RASGRF1: variants seen among roughly 807,000 people sequenced by gnomAD.
RASGRF1 encodes Ras protein specific guanine nucleotide releasing factor 1.
In RASGRF1, 40 loss-of-function variants were observed where a neutral mutation model predicts 138.7. The observed-to-expected ratio is 0.29, with a 90% confidence interval of 0.22 to 0.38. The LOEUF (loss-of-function observed/expected upper bound fraction) is 0.38, where lower values mean the gene tolerates loss of function less well. Among genes scored for constraint, RASGRF1 ranks in the 10% least tolerant of loss-of-function variants. The probability of loss-of-function intolerance (pLI) is 1.00; values close to 1 mark genes in which losing one functional copy is unlikely to be tolerated. For missense variants in RASGRF1, 1,108 were observed against 1,650.4 expected (o/e 0.67, Z 5.69); for synonymous variants, 614 against 663.2 (o/e 0.93, Z 1.14).
intron 1 of RASGRF1, among the ~76,000 whole-genome samples, chr15:79,085,814 C>G (rs1394228313): frequency 6.6e-6 from 1 of 152,162 alleles, no homozygotes; most frequent in Non-Finnish European, 1.5e-5. Context: ...TTTTCTTCTT[C>G]TCTGTGTCTG....
chr15:79,079,157 C>T (rs957299005), intron 1 of RASGRF1, among the ~76,000 whole-genome samples: 1 of 152,184 alleles, frequency 6.6e-6, no homozygotes, highest in Non-Finnish European at 1.5e-5. Flanking sequence ...AGGGCCTGGG[C>T]GCCATGGCTA....
intron 5 of RASGRF1, among the ~76,000 whole-genome samples, chr15:79,041,013 T>C (rs1215312062): frequency 6.6e-6 from 1 of 152,214 alleles, no homozygotes; most frequent in East Asian, 1.9e-4. Context: ...ATAGTCCCCA[T>C]CAAGGCTGCT....
intron 24 of RASGRF1, chr15:78,978,763 A>T: frequency 1.8e-6 from 2 of 1,118,840 alleles, no homozygotes; most frequent in Non-Finnish European, 2.2e-6. Flanking sequence ...GGGGTGCGGG[A>T]AGCATTTGCC....
intron 15 of RASGRF1, among the ~76,000 whole-genome samples, chr15:79,003,593 C>T (rs1159054057): frequency 2.0e-5 from 3 of 152,114 alleles, no homozygotes; most frequent in Non-Finnish European, 4.4e-5. Context: ...CTGCCTGCCT[C>T]CCCCCGCAGC....
intron 26 of RASGRF1, among the ~76,000 whole-genome samples, chr15:78,964,367 G>A (rs1258679816): frequency 1.3e-5 from 2 of 152,020 alleles, no homozygotes; most frequent in African/African-American, 2.4e-5. Flanking sequence ...TAAAGACAGG[G>A]TTTCACCATG....
chr15:79,033,779 G>A (rs1027818987), intron 6 of RASGRF1, among the ~76,000 whole-genome samples: 8 of 150,120 alleles, frequency 5.3e-5, no homozygotes, highest in African/African-American at 1.2e-4. Flanking sequence ...TAGTAGAGAC[G>A]GGGTTTCACC....
At chr15:79,047,253 G>A (rs2057367521) in intron 4 of RASGRF1, among the ~76,000 whole-genome samples, 1 of 105,234 alleles carries the variant, frequency 9.5e-6, no homozygotes, top group Non-Finnish European at 2.1e-5. Flanking sequence ...TAGACTGAAA[G>A]TGTGGTCCAC....
rs1485203275 is a variant in RASGRF1 at position 79,046,915 on chromosome 15, T to C, written c.709A>G (p.Ser237Gly). ...QDYIRSPHAD[S>G]MRKRNQVVFS... Reference sequence around the variant, plus strand: ...ACCACCTGGTTCCTCTTGCGCATGCTGTCAGCATGGGGTGACCGGATGTAG... The same window carrying C: ...ACCACCTGGTTCCTCTTGCGCATGCCGTCAGCATGGGGTGACCGGATGTAG... Residue 237 changes from serine (S) to glycine (G), a missense_variant, in exon 5 of 27, where the codon AGC (serine) becomes GGC (glycine). Transcript: ENST00000558480. This position sits in a 1 kb window ranked among gnomAD's most constrained non-coding sequence, Gnocchi z 5.3. The C allele has an allele frequency of 2.5e-6, 4 of 1,614,188 alleles. No homozygotes were observed. The highest frequency in any genetic ancestry group is 1.1e-5 in the South Asian group (1 of 91,090).
At chr15:79,070,281 C>T (rs1031201005) in intron 1 of RASGRF1, among the ~76,000 whole-genome samples, 1 of 152,176 alleles carries the variant, frequency 6.6e-6, no homozygotes, top group Admixed American at 6.5e-5. Context: ...GGTCAAAGAG[C>T]CCACTCTCCA....
intron 5 of RASGRF1, among the ~76,000 whole-genome samples, chr15:79,041,388 C>T (rs1290105779): frequency 6.6e-6 from 1 of 152,138 alleles, no homozygotes; most frequent in East Asian, 1.9e-4. Flanking sequence ...TGGCCTTGTC[C>T]CCATTCATAT....
chr15:79,014,347 C>T (rs1369299015), intron 13 of RASGRF1, among the ~76,000 whole-genome samples: 1 of 152,190 alleles, frequency 6.6e-6, no homozygotes, highest in African/African-American at 2.4e-5. Flanking sequence ...CCCAAATGTC[C>T]ATCAATCAAT....
intron 13 of RASGRF1, among the ~76,000 whole-genome samples, chr15:79,008,665 T>C (rs1368174536): frequency 1.3e-5 from 2 of 152,000 alleles, no homozygotes; most frequent in African/African-American, 2.4e-5. Flanking sequence ...ATTAAACACA[T>C]TTGAGAAAGT....
At chr15:78,966,719 C>A (rs929541045) in intron 26 of RASGRF1, among the ~76,000 whole-genome samples, 21 of 152,250 alleles carry the variant, frequency 1.4e-4, no homozygotes, top group Non-Finnish European at 1.8e-4. Flanking sequence ...AGCCACCAGG[C>A]CTGGCTCTCT....
intron 24 of RASGRF1, among the ~76,000 whole-genome samples, chr15:78,977,315 T>C (rs539822090): frequency 1.3e-5 from 2 of 152,270 alleles, no homozygotes; most frequent in African/African-American, 4.8e-5. Flanking sequence ...GGGAAGGGCA[T>C]TCAGGGAGGG....
intron 2 of RASGRF1, among the ~76,000 whole-genome samples, chr15:79,060,304 C>T (rs561624391): frequency 3.9e-5 from 6 of 152,330 alleles, no homozygotes; most frequent in Admixed American, 3.9e-4. Flanking sequence ...GACCCAGACC[C>T]CAGGGCTTGA....
intron 3 of RASGRF1, among the ~76,000 whole-genome samples, chr15:79,051,683 G>A (rs906884567): frequency 2.0e-5 from 3 of 152,142 alleles, no homozygotes; most frequent in Admixed American, 6.5e-5. Context: ...GAGGCATTCC[G>A]GGACATCTAC....
intron 11 of RASGRF1, among the ~76,000 whole-genome samples, chr15:79,019,721 C>T (rs1567529433): frequency 6.6e-6 from 1 of 152,212 alleles, no homozygotes; most frequent in East Asian, 1.9e-4. Flanking sequence ...CCTAACAGTG[C>T]CAACTGGTCC....
At chr15:79,085,726 G>C (rs746076333) in intron 1 of RASGRF1, among the ~76,000 whole-genome samples, 1 of 152,178 alleles carries the variant, frequency 6.6e-6, no homozygotes, top group South Asian at 2.1e-4. Flanking sequence ...ATCACTTGGT[G>C]ATTACTGTGG....
chr15:79,064,299 C>A, intron 2 of RASGRF1, 121 bp downstream of exon 2: 1 of 905,860 alleles, frequency 1.1e-6, no homozygotes, highest in South Asian at 1.6e-5. Flanking sequence ...AGATGCTTCT[C>A]CTCCTCCTTT....
Sources: allele counts gnomAD v4.1 joint callset (sites outside exome capture counted in the v4.1 genomes callset), GRCh38; gene constraint gnomAD v4.1.1; non-coding constraint Gnocchi (gnomAD v3.1); transcripts MANE v1.5; gene names NCBI Gene and HGNC (gene_info 2026-07-23, HGNC 2026-07-21).